The following SLC25A17 variants were observed in gnomAD, a reference collection of about 807,000 sequenced individuals.
SLC25A17 encodes peroxisomal membrane protein PMP34.
A neutral mutation model predicts 38.5 loss-of-function variants in SLC25A17; 26 were observed. The observed-to-expected ratio is 0.68, with a 90% CI of 0.50 to 0.94. The LOEUF is 0.94. SLC25A17 is among the 40% of genes least tolerant of loss of function. The pLI, the probability that SLC25A17 is intolerant of heterozygous loss-of-function variation, is 0.00. For synonymous variants in SLC25A17, 139 were observed against 136.2 expected (o/e 1.02, Z -0.14); for missense variants, 333 against 372.7 (o/e 0.89, Z 0.88).
intron 8 of SLC25A17, among the ~76,000 whole-genome samples, chr22:40,771,296 G>C (rs1421235727): frequency 6.6e-6 from 1 of 152,096 alleles, no homozygotes; most frequent in African/African-American, 2.4e-5. Context: ...ATTTTTAGTG[G>C]AGATGGGGTT....
At chr22:40,785,742 C>T (rs1012672175) in intron 4 of SLC25A17, among the ~76,000 whole-genome samples, 21 of 151,986 alleles carry the variant, frequency 1.4e-4, no homozygotes, top group South Asian at 2.1e-4. Context: ...GACAGGGTCT[C>T]ACTCTGAATG....
chr22:40,785,611 A>C (rs1272324779), intron 4 of SLC25A17, among the ~76,000 whole-genome samples: 2 of 152,192 alleles, frequency 1.3e-5, no homozygotes, highest in African/African-American at 2.4e-5. Flanking sequence ...CGGGTTAAAC[A>C]GGCTTTGCAG....
rs760866478 is a variant in SLC25A17 at position 40,794,570 on chromosome 22, T to C, written c.126A>G (p.Lys42=). 6.2e-7 allele frequency: 1 copy of C among 1,610,114 alleles called. No individual in the cohort carries two copies. Among genetic ancestry groups the C allele is most frequent in the African/African-American group, 1.3e-5 (1 of 74,946 alleles). Residue 42 remains lysine (K), a synonymous_variant, in exon 3 of 9, where the codon AAA becomes AAG. Coordinates refer to ENST00000435456, the MANE Select transcript of SLC25A17 (RefSeq NM_006358.4). ...CCATGTGTGTAGTTTTGGATTTTCT[T>C]TTCTCATCAACTACAAGACCAAACA... ...TARLRLQVDE[K]RKSKTTHMVL... is the part of the protein sequence containing the mutation.
At chr22:40,785,489 A>G (rs2057330278) in intron 4 of SLC25A17, among the ~76,000 whole-genome samples, 1 of 152,224 alleles carries the variant, frequency 6.6e-6, no homozygotes, top group Non-Finnish European at 1.5e-5. Context: ...AGTTATCCAC[A>G]TGGTTACCAG....
chr22:40,809,612 C>T (rs1319484388), intron 1 of SLC25A17, among the ~76,000 whole-genome samples: 2 of 151,738 alleles, frequency 1.3e-5, no homozygotes, highest in East Asian at 3.9e-4. Context: ...AGCCTGGGTA[C>T]ACAGTGAGAC....
chr22:40,812,411 G>A (rs910127787), intron 1 of SLC25A17, among the ~76,000 whole-genome samples: 1 of 152,144 alleles, frequency 6.6e-6, no homozygotes, highest in African/African-American at 2.4e-5. Context: ...TCCCCCCAGC[G>A]TGTGCAATCT....
chr22:40,777,192 C>G (rs1233933923), intron 6 of SLC25A17, 36 bp downstream of exon 6: 2 of 1,613,440 alleles, frequency 1.2e-6, no homozygotes, highest in African/African-American at 2.7e-5. Flanking sequence ...AGGTGTCAGA[C>G]AGAATTATTT....
chr22:40,797,105 T>C lies in SLC25A17; in HGVS notation c.115+1918A>G, dbSNP rs1459596761. The stretch of plus-strand genomic sequence containing the variant: ...AAACTGATAAACATGCTACCTGCAG[T>C]GAAGAGGAAAGGGAGACAGGGCAGA... On this transcript the variant is annotated intron_variant, in intron 2 of 8. Coordinates refer to ENST00000435456, the MANE Select transcript of SLC25A17 (RefSeq NM_006358.4). 7 of 354,662 alleles carry C rather than the reference T, an allele frequency of 2.0e-5. No individual in the cohort carries two copies. In the East Asian group the frequency reaches 5.2e-4, roughly 26 times the overall value. The allele number at this position is 354,662 out of a possible 1,614,324, so 22.0% of individuals were successfully genotyped here.
intron 4 of SLC25A17, among the ~76,000 whole-genome samples, chr22:40,780,869 C>T (rs999407309): frequency 6.6e-6 from 1 of 152,176 alleles, no homozygotes; most frequent in Non-Finnish European, 1.5e-5. Context: ...TCTAACCATT[C>T]TTTAAAATTC....
chr22:40,799,251 GT>G (rs1376961005), intron 1 of SLC25A17, among the ~76,000 whole-genome samples, 168 bp from the exon 2 acceptor site: 1 of 151,810 alleles, frequency 6.6e-6, no homozygotes, highest in African/African-American at 2.4e-5. Context: ...TTCTCAAGTA[GT>G]TGGGGTTACA....
rs758196287 is a variant in SLC25A17 at position 40,819,258 on chromosome 22, T to C, written c.-10A>G. 1.8e-5 allele frequency: 29 copies of C among 1,613,620 alleles called. No homozygotes were observed. In the East Asian group the frequency reaches 6.2e-4, roughly 35 times the overall value. ...ACAGCACGGAAGCCATTGGTGCGGC[T>C]CCTCGAAGACCCAGCCACACTTTTC... On this transcript the variant is annotated 5_prime_UTR_variant, in exon 1 of 9. Transcript: ENST00000435456.
chr22:40,773,841 C>T (rs957476730), intron 8 of SLC25A17, 96 bp downstream of exon 8: 2 of 886,700 alleles, frequency 2.3e-6, no homozygotes, highest in South Asian at 1.3e-5. Context: ...GTTGCCACCA[C>T]CAAGGCAGTA....
chr22:40,778,772 C>T (rs117776121), intron 5 of SLC25A17, among the ~76,000 whole-genome samples: 1,829 of 152,104 alleles, frequency 0.012, 19 homozygotes, highest in Middle Eastern at 0.034. Context: ...AAGAAACTAC[C>T]GTCAGAGTGA....
chr22:40,804,765 G>A (rs1047996245), intron 1 of SLC25A17, among the ~76,000 whole-genome samples: 4 of 152,146 alleles, frequency 2.6e-5, no homozygotes, highest in African/African-American at 9.7e-5. Flanking sequence ...TGACATGCAG[G>A]AGAGCCTCCG....
At chr22:40,771,163 A>G (rs1222904939) in intron 8 of SLC25A17, among the ~76,000 whole-genome samples, 182 bp from the exon 9 acceptor site, 1 of 152,224 alleles carries the variant, frequency 6.6e-6, no homozygotes, top group Non-Finnish European at 1.5e-5. Context: ...GCTGGAGTGC[A>G]GTGGCGCGAT....
At chr22:40,818,974 C>T (rs1490116312) in intron 1 of SLC25A17, among the ~76,000 whole-genome samples, 1 of 152,196 alleles carries the variant, frequency 6.6e-6, no homozygotes, top group Non-Finnish European at 1.5e-5. Context: ...CTCTACCCCG[C>T]AGTCTCTAGG....
chr22:40,803,344 T>C (rs555506335), intron 1 of SLC25A17, among the ~76,000 whole-genome samples: 3 of 152,284 alleles, frequency 2.0e-5, no homozygotes, highest in African/African-American at 7.2e-5. Context: ...TAACCACTAT[T>C]CTACTCTCTA....
intron 4 of SLC25A17, among the ~76,000 whole-genome samples, chr22:40,783,144 T>C (rs1392061709): frequency 2.0e-5 from 3 of 152,198 alleles, no homozygotes; most frequent in Admixed American, 6.5e-5. Context: ...TTCAAGGAAC[T>C]CTCAACCTTC....
At chr22:40,794,437 G>A in intron 3 of SLC25A17, 77 bp downstream of exon 3, 1 of 833,524 alleles carries the variant, frequency 1.2e-6, no homozygotes, top group East Asian at 2.5e-5. Context: ...AAGATAGAAA[G>A]TAAGCATAAC....
Sources: allele counts gnomAD v4.1 joint callset (sites outside exome capture counted in the v4.1 genomes callset), GRCh38; gene constraint gnomAD v4.1.1; transcripts MANE v1.5; gene names NCBI Gene and HGNC (gene_info 2026-07-23, HGNC 2026-07-21).